The following HSD17B4 variants were observed in gnomAD, a reference collection of about 807,000 sequenced individuals.
HSD17B4 encodes hydroxysteroid 17-beta dehydrogenase 4.
Under a neutral mutation model 101.0 loss-of-function variants are expected in HSD17B4, and 70 were observed. The observed-to-expected ratio is 0.69, with a 90% CI of 0.57 to 0.85. The LOEUF is 0.85. HSD17B4 is among the 40% of genes least tolerant of loss of function. The pLI, the probability that HSD17B4 is intolerant of heterozygous loss-of-function variation, is 0.00. For missense variants in HSD17B4, 984 were observed against 892.4 expected (o/e 1.10, Z -1.31); for synonymous variants, 347 against 297.1 (o/e 1.17, Z -1.73).
intron 17 of HSD17B4, among the ~76,000 whole-genome samples, chr5:119,524,083 T>C (rs1753359301): frequency 6.6e-6 from 1 of 152,156 alleles, no homozygotes; most frequent in South Asian, 2.1e-4. Context: ...TTACTTCTCT[T>C]AGCATCTCAT....
At chr5:119,518,233 C>T (rs976715878) in intron 17 of HSD17B4, among the ~76,000 whole-genome samples, 4 of 152,076 alleles carry the variant, frequency 2.6e-5, no homozygotes, top group South Asian at 2.1e-4. Flanking sequence ...CCGGGAGGAA[C>T]GAACAACTCC....
chr5:119,477,784 T>C, intron 7 of HSD17B4: 2 of 385,070 alleles, frequency 5.2e-6, no homozygotes, highest in Non-Finnish European at 9.8e-6. Context: ...AGACATAGTT[T>C]CATTCTTGTC....
intron 22 of HSD17B4, among the ~76,000 whole-genome samples, chr5:119,531,860 A>T (rs187714602): frequency 1.3e-5 from 2 of 152,212 alleles, no homozygotes; most frequent in Non-Finnish European, 2.9e-5. Context: ...TAAAATCACT[A>T]TTTTCTAGAT....
intron 5 of HSD17B4, 33 bp from the exon 6 acceptor site, chr5:119,475,791 C>T: frequency 1.3e-6 from 2 of 1,582,290 alleles, no homozygotes; most frequent in South Asian, 1.1e-5. Flanking sequence ...ATATACTTTC[C>T]TCCTTTTACC....
chr5:119,458,596 C>T (rs28558429), intron 2 of HSD17B4, among the ~76,000 whole-genome samples: 1,925 of 151,286 alleles, frequency 0.013, 16 homozygotes, highest in African/African-American at 0.024. Context: ...TTAGAAGTGG[C>T]ATGTCACTTC....
intron 13 of HSD17B4, among the ~76,000 whole-genome samples, chr5:119,499,952 A>T (rs540132878): frequency 2.0e-4 from 30 of 152,194 alleles, no homozygotes; most frequent in African/African-American, 7.2e-4. Context: ...CAAATAGCAC[A>T]TACTTGACTT....
chr5:119,490,058 T>C (rs1456452058), intron 9 of HSD17B4, among the ~76,000 whole-genome samples: 1 of 151,982 alleles, frequency 6.6e-6, no homozygotes, highest in East Asian at 1.9e-4. Flanking sequence ...GTGGTAATAA[T>C]GAACCTGTTG....
intron 14 of HSD17B4, among the ~76,000 whole-genome samples, chr5:119,503,076 TTGTGTGTGTG>T (rs759039800): frequency 2.4e-4 from 34 of 140,642 alleles, no homozygotes; most frequent in South Asian, 4.7e-4. Flanking sequence ...ACCTTGGAAA[TTGTGTGTGTG>T]TGTGTGTGTG....
chr5:119,463,541 T>A (rs1356750137), intron 2 of HSD17B4, among the ~76,000 whole-genome samples: 2 of 151,600 alleles, frequency 1.3e-5, no homozygotes, highest in African/African-American at 2.4e-5. Flanking sequence ...TTTTTTGCCT[T>A]TTTGATAGTA....
At chr5:119,464,292 GT>G (rs1259618767) in intron 2 of HSD17B4, among the ~76,000 whole-genome samples, 7 of 151,976 alleles carry the variant, frequency 4.6e-5, no homozygotes, top group Admixed American at 4.6e-4. Context: ...TTTCCCGTAT[GT>G]TTTCTTCTAG....
chr5:119,497,922 G>A (rs975938122), intron 12 of HSD17B4, among the ~76,000 whole-genome samples: 1 of 151,854 alleles, frequency 6.6e-6, no homozygotes, highest in Non-Finnish European at 1.5e-5. Context: ...TGACTCTTTA[G>A]AAAAGGATAT....
At chr5:119,533,759 C>G (rs1248287537) in intron 22 of HSD17B4, among the ~76,000 whole-genome samples, 1 of 151,950 alleles carries the variant, frequency 6.6e-6, no homozygotes, top group Non-Finnish European at 1.5e-5. Flanking sequence ...GTAGTTGGAA[C>G]CAAGAACGTT....
In HSD17B4 at chr5:119,452,630, G is replaced by A; in HGVS notation, c.55G>A (p.Ala19Thr). The change falls in exon 1 of 24, where the codon GCA (alanine) becomes ACA (threonine). Residue 19 changes from alanine (A) to threonine (T), a missense_variant. Transcript: ENST00000510025. ...GRVVLVTGAG[A>T]GLGRAYALAF... ...GGTGGTACTGGTCACCGGCGCGGGG[G>A]CAGGTGAGCATGCGAAGGTTGGAGG... The A allele has an allele frequency of 8.1e-6, 13 of 1,613,880 alleles. No homozygotes were observed. Among genetic ancestry groups the A allele is most frequent in the Non-Finnish European group, 1.1e-5 (13 of 1,179,960 alleles).
chr5:119,522,323 T>C (rs892709328), intron 17 of HSD17B4, among the ~76,000 whole-genome samples: 2 of 152,248 alleles, frequency 1.3e-5, no homozygotes, highest in African/African-American at 4.8e-5. Context: ...ATTTTTTTAA[T>C]CCAGTCTATC....
At chr5:119,481,204 A>G (rs1749095653) in intron 8 of HSD17B4, among the ~76,000 whole-genome samples, 1 of 152,186 alleles carries the variant, frequency 6.6e-6, no homozygotes, top group South Asian at 2.1e-4. Context: ...TTTACAATTT[A>G]TGTTTAGAGA....
chr5:119,509,209 G>A lies in HSD17B4; in HGVS notation c.1402G>A (p.Gly468Ser), dbSNP rs138860802. Residue 468 changes from glycine to serine, a missense_variant, in exon 16 of 24, where the codon GGC (glycine) becomes AGC (serine). Physicochemically the swap from Gly to Ser is moderately conservative, Grantham distance 56. Transcript: ENST00000510025. ...CTCTCTCTTTCTTGTTGGCTCTGGAGGCTTTGGTGGAAAACGGACATCAGA... is the reference window on the plus strand; with the variant it reads ...CTCTCTCTTTCTTGTTGGCTCTGGAAGCTTTGGTGGAAAACGGACATCAGA... ...QFSLFLVGSGGFGGKRTSDKV... is the reference protein window; with the variant it reads ...QFSLFLVGSGSFGGKRTSDKV... The A allele has an allele frequency of 2.5e-6, 4 of 1,610,328 alleles. No individual in the cohort carries two copies. In the African/African-American group the frequency reaches 5.3e-5, roughly 21 times the overall value.
chr5:119,456,481 A>T (rs955126100), intron 2 of HSD17B4, 113 bp downstream of exon 2: 7 of 811,144 alleles, frequency 8.6e-6, no homozygotes, highest in Admixed American at 2.1e-5. Context: ...TTTATTATTA[A>T]TTTTTACTTT....
At chr5:119,494,325 T>TTTCTTTC (rs1554064680) in intron 11 of HSD17B4, among the ~76,000 whole-genome samples, 129 of 111,616 alleles carry the variant, frequency 1.2e-3, no homozygotes, top group Non-Finnish European at 1.9e-3. Flanking sequence ...TCTTTCTTTC[T>TTTCTTTC]TTTCTTTCTT....
chr5:119,525,811 C>G, intron 18 of HSD17B4, 106 bp from the exon 19 acceptor site: 1 of 688,982 alleles, frequency 1.5e-6, no homozygotes, highest in East Asian at 2.9e-5. Flanking sequence ...TGGTATAATT[C>G]CTGCTAATGC....
Sources: allele counts gnomAD v4.1 joint callset (sites outside exome capture counted in the v4.1 genomes callset), GRCh38; gene constraint gnomAD v4.1.1; transcripts MANE v1.5; gene names NCBI Gene and HGNC (gene_info 2026-07-23, HGNC 2026-07-21).